The following COL22A1 variants were observed in gnomAD, a reference collection of about 807,000 sequenced individuals.
COL22A1 encodes the protein collagen type XXII alpha 1 chain.
In COL22A1, 221 loss-of-function variants were observed where a neutral mutation model predicts 248.9. That is an observed-to-expected ratio of 0.89 (90% CI 0.80 to 0.99). The LOEUF (loss-of-function observed/expected upper bound fraction) is 0.99. Ranked by LOEUF, COL22A1 falls within the 50% of genes least tolerant of loss-of-function variation. The probability of loss-of-function intolerance (pLI) is 0.00; values close to 1 mark genes in which losing one functional copy is unlikely to be tolerated. For missense variants in COL22A1, 2,240 were observed against 2,179.0 expected, an observed-to-expected ratio of 1.03 and a Z score of -0.56; for synonymous variants, 891 against 793.4, an observed-to-expected ratio of 1.12 and a Z score of -2.07.
At chr8:138,744,435 C>T (rs2131304231) in intron 22 of COL22A1, among the ~76,000 whole-genome samples, 1 of 152,104 alleles carries the variant, frequency 6.6e-6, no homozygotes, top group Non-Finnish European at 1.5e-5. Flanking sequence ...GGACAGTTAA[C>T]TTCCATGTTA....
chr8:138,611,453 G>A (rs769124441), intron 56 of COL22A1, among the ~76,000 whole-genome samples: 1 of 152,190 alleles, frequency 6.6e-6, no homozygotes, highest in Non-Finnish European at 1.5e-5. Context: ...AGCTGGGGGG[G>A]ACCCAGTCAG....
chr8:138,664,755 G>C (rs1332538712), intron 41 of COL22A1, among the ~76,000 whole-genome samples: 1 of 152,194 alleles, frequency 6.6e-6, no homozygotes, highest in Non-Finnish European at 1.5e-5. Flanking sequence ...TAGCCGACTA[G>C]AGCACAGCAA....
chr8:138,628,334 C>T (rs1820417727), intron 50 of COL22A1, among the ~76,000 whole-genome samples: 1 of 150,740 alleles, frequency 6.6e-6, no homozygotes, highest in Middle Eastern at 3.2e-3. Context: ...TGCCTGTAAT[C>T]CTAGCACTTT....
intron 3 of COL22A1, among the ~76,000 whole-genome samples, chr8:138,856,634 GAGAA>G (rs1348846046): frequency 2.0e-5 from 3 of 151,378 alleles, no homozygotes; most frequent in South Asian, 2.1e-4. Context: ...GAGAAAGCAA[GAGAA>G]AGAAACAGAG....
intron 23 of COL22A1, among the ~76,000 whole-genome samples, chr8:138,728,339 G>A (rs1005514980): frequency 6.6e-6 from 1 of 151,964 alleles, no homozygotes; most frequent in African/African-American, 2.4e-5. Flanking sequence ...ACCTCAACAC[G>A]GTCTTTGAGG....
chr8:138,604,744 G>C lies in COL22A1; in HGVS notation c.4130C>G (p.Pro1377Arg). The change falls in exon 59 of 65, where the codon CCA becomes CGA. Residue 1377 changes from proline to arginine, a missense_variant. Pro to Arg is a moderately radical substitution (Grantham distance 103). Coordinates refer to ENST00000303045, the MANE Select transcript of COL22A1 (RefSeq NM_152888.3). ...GCGTGTGATACTTGCCTCCTTGCCTGGGACTCCTTTCTCTCCTGGTTCTCC... is the reference window on the plus strand; with the variant it reads ...GCGTGTGATACTTGCCTCCTTGCCTCGGACTCCTTTCTCTCCTGGTTCTCC... ...PPGEPGEKGVPGKEGVPGKPG... is the reference protein window; with the variant it reads ...PPGEPGEKGVRGKEGVPGKPG... 1 of 1,612,936 alleles carries C rather than the reference G, an allele frequency of 6.2e-7. No individual in the cohort carries two copies. Among genetic ancestry groups the C allele is most frequent in the Non-Finnish European group, 8.5e-7 (1 of 1,179,500 alleles).
chr8:138,649,563 C>A, intron 46 of COL22A1, 102 bp downstream of exon 46: 1 of 1,524,260 alleles, frequency 6.6e-7, no homozygotes, highest in South Asian at 1.3e-5. Context: ...TTGAACCCCT[C>A]AAACCCTGAA....
At chr8:138,797,922 A>AT (rs946820914) in intron 11 of COL22A1, among the ~76,000 whole-genome samples, 127 of 151,558 alleles carry the variant, frequency 8.4e-4, no homozygotes, top group Non-Finnish European at 1.3e-3. Flanking sequence ...CCCTTTATTG[A>AT]TTTTTTTGGT....
At chr8:138,713,949 C>T (rs1489905473) in intron 30 of COL22A1, among the ~76,000 whole-genome samples, 1 of 152,094 alleles carries the variant, frequency 6.6e-6, no homozygotes, top group Non-Finnish European at 1.5e-5. Flanking sequence ...GGATCCAAGT[C>T]CTTAGGAGGT....
At chr8:138,677,992 TA>T (rs1825694793) in intron 40 of COL22A1, among the ~76,000 whole-genome samples, 1 of 152,248 alleles carries the variant, frequency 6.6e-6, no homozygotes, top group Non-Finnish European at 1.5e-5. Context: ...TCGATATTGC[TA>T]GGTAATTTGT....
chr8:138,796,963 A>G, intron 11 of COL22A1, 106 bp from the exon 12 acceptor site: 1 of 820,318 alleles, frequency 1.2e-6, no homozygotes, highest in South Asian at 1.4e-5. Context: ...ATATTTTCTC[A>G]TCAGCTCTGC....
chr8:138,655,002 C>A (rs754589961), intron 45 of COL22A1, among the ~76,000 whole-genome samples: 5 of 152,300 alleles, frequency 3.3e-5, no homozygotes, highest in Non-Finnish European at 5.9e-5. Flanking sequence ...TTGACTCTGC[C>A]GCTGGCCCTC....
intron 21 of COL22A1, among the ~76,000 whole-genome samples, chr8:138,754,701 A>G (rs1563716238): frequency 2.0e-5 from 3 of 152,224 alleles, no homozygotes; most frequent in African/African-American, 7.2e-5. Flanking sequence ...AATTCTTAGC[A>G]GGGGGAGAAA....
At chr8:138,797,464 C>T (rs762808096) in intron 11 of COL22A1, among the ~76,000 whole-genome samples, 7 of 152,104 alleles carry the variant, frequency 4.6e-5, no homozygotes, top group East Asian at 1.9e-4. Context: ...TGACATTGTA[C>T]GCATATGACA....
intron 1 of COL22A1, among the ~76,000 whole-genome samples, chr8:138,887,370 T>G (rs6577957): frequency 6.6e-6 from 1 of 151,854 alleles, no homozygotes; most frequent in African/African-American, 2.4e-5. Context: ...ATTACAGGTG[T>G]CTGCCACCAC....
At chr8:138,782,485 G>A (rs1237089203) in intron 12 of COL22A1, among the ~76,000 whole-genome samples, 2 of 152,222 alleles carry the variant, frequency 1.3e-5, no homozygotes, top group Non-Finnish European at 2.9e-5. Context: ...CCAAAGTGCT[G>A]GAATTACAGG....
chr8:138,615,133 C>T (rs1205617329), intron 55 of COL22A1, among the ~76,000 whole-genome samples: 4 of 152,210 alleles, frequency 2.6e-5, no homozygotes, highest in Admixed American at 6.5e-5. Context: ...GGATTCTGGG[C>T]TCCAGGCAAG....
intron 12 of COL22A1, among the ~76,000 whole-genome samples, chr8:138,786,678 G>A (rs2131559620): frequency 6.6e-6 from 1 of 152,268 alleles, no homozygotes; most frequent in Middle Eastern, 3.4e-3. Context: ...GGCCAAGGCA[G>A]GTGGATCATG....
intron 16 of COL22A1, among the ~76,000 whole-genome samples, chr8:138,775,155 C>T (rs73719989): frequency 0.039 from 5,933 of 152,270 alleles, 364 homozygotes; most frequent in African/African-American, 0.13. Context: ...ATGGGTTAGG[C>T]GAGAGGGCCT....
Sources: allele counts gnomAD v4.1 joint callset (sites outside exome capture counted in the v4.1 genomes callset), GRCh38; gene constraint gnomAD v4.1.1; transcripts MANE v1.5; gene names NCBI Gene and HGNC (gene_info 2026-07-23, HGNC 2026-07-21).